EBF1: variants seen among roughly 807,000 people sequenced by gnomAD.
The protein encoded by EBF1 is transcription factor COE1.
Under a neutral mutation model 68.4 loss-of-function variants are expected in EBF1, and 10 were observed. The observed-to-expected ratio is 0.15, with a 90% confidence interval of 0.09 to 0.25. The LOEUF is 0.25. Among genes scored for constraint, EBF1 ranks in the 10% least tolerant of loss-of-function variants. The pLI, the probability that EBF1 is intolerant of heterozygous loss-of-function variation, is 1.00. For synonymous variants in EBF1, 298 were observed against 299.8 expected, an observed-to-expected ratio of 0.99 and a Z score of 0.06; for missense variants, 509 against 794.4, an observed-to-expected ratio of 0.64 and a Z score of 4.32.
At chr5:159,002,835 C>T (rs189140511) in intron 6 of EBF1, among the ~76,000 whole-genome samples, 56 of 152,198 alleles carry the variant, frequency 3.7e-4, no homozygotes, top group African/African-American at 1.3e-3. Flanking sequence ...ATGTGCTAAA[C>T]TAAAATGTAA....
At chr5:158,766,373 G>T (rs1772669776) in intron 10 of EBF1, among the ~76,000 whole-genome samples, 1 of 152,004 alleles carries the variant, frequency 6.6e-6, no homozygotes, top group Admixed American at 6.6e-5. Flanking sequence ...ACAACTGATG[G>T]AAAAAATGAC....
intron 6 of EBF1, among the ~76,000 whole-genome samples, chr5:158,845,068 T>TA (rs1791184380): frequency 6.6e-6 from 1 of 152,152 alleles, no homozygotes; most frequent in Non-Finnish European, 1.5e-5. Flanking sequence ...ATAAAATTTT[T>TA]AAAAAATCAT....
intron 14 of EBF1, among the ~76,000 whole-genome samples, chr5:158,711,109 T>G (rs998766163): frequency 1.3e-5 from 2 of 152,234 alleles, no homozygotes; most frequent in African/African-American, 4.8e-5. Context: ...GTATATGGTT[T>G]TCTTTTCCTT....
intron 6 of EBF1, among the ~76,000 whole-genome samples, chr5:158,842,018 G>C (rs1790431183): frequency 6.6e-6 from 1 of 152,212 alleles, no homozygotes; most frequent in African/African-American, 2.4e-5. Context: ...ATGGCTTACA[G>C]AACACCACTG....
intron 11 of EBF1, among the ~76,000 whole-genome samples, chr5:158,719,617 A>G (rs879086409): frequency 6.6e-6 from 1 of 152,084 alleles, no homozygotes; most frequent in Admixed American, 6.6e-5. Context: ...TAACTGGCCA[A>G]TACTGGGCCC....
intron 6 of EBF1, among the ~76,000 whole-genome samples, chr5:158,842,146 G>A (rs2127972202): frequency 6.6e-6 from 1 of 152,288 alleles, no homozygotes; most frequent in Admixed American, 6.5e-5. Context: ...CTTTCAATAT[G>A]ACAGATTTGG....
chr5:158,882,783 G>A (rs1023620048), intron 6 of EBF1, among the ~76,000 whole-genome samples: 2 of 152,142 alleles, frequency 1.3e-5, no homozygotes, highest in African/African-American at 4.8e-5. Context: ...GATATTCATG[G>A]AGCAATACAT....
intron 5 of EBF1, among the ~76,000 whole-genome samples, chr5:159,081,810 C>T (rs1391230621): frequency 6.6e-6 from 1 of 152,186 alleles, no homozygotes; most frequent in Non-Finnish European, 1.5e-5. Context: ...CAAATCTCTT[C>T]TAGAATCGTG....
At chr5:159,041,283 TG>T (rs1356875374) in intron 6 of EBF1, among the ~76,000 whole-genome samples, 1 of 152,262 alleles carries the variant, frequency 6.6e-6, no homozygotes, top group Non-Finnish European at 1.5e-5. Context: ...TTTAATGTTC[TG>T]TGTCATATAC....
intron 10 of EBF1, among the ~76,000 whole-genome samples, chr5:158,770,103 T>G (rs1354917959): frequency 6.6e-6 from 1 of 152,164 alleles, no homozygotes; most frequent in East Asian, 1.9e-4. Context: ...CAAAATATTT[T>G]CATGGCCATT....
chr5:158,757,029 A>G (rs1283987090), intron 10 of EBF1, among the ~76,000 whole-genome samples: 1 of 151,660 alleles, frequency 6.6e-6, no homozygotes, highest in Non-Finnish European at 1.5e-5. Flanking sequence ...ATACCCCATC[A>G]CCCTTCACAG....
chr5:158,897,015 C>G (rs1376402602), intron 6 of EBF1, among the ~76,000 whole-genome samples: 1 of 134,500 alleles, frequency 7.4e-6, no homozygotes, highest in African/African-American at 2.6e-5. Context: ...GGCATTTTGA[C>G]AGCCAGTTCA....
chr5:158,993,679 T>C (rs1760825315), intron 6 of EBF1, among the ~76,000 whole-genome samples: 1 of 152,104 alleles, frequency 6.6e-6, no homozygotes, highest in South Asian at 2.1e-4. Flanking sequence ...AAGGGATTGC[T>C]CCAAATGTAA....
At position 158,978,833 on chromosome 5, in the gene EBF1, C is replaced by CAGAGAG. The variant is rs60855237; in HGVS notation, c.554+94562_554+94563insCTCTCT. Among the ~76,000 whole-genome samples, 404 of 120,166 alleles carry CAGAGAG rather than the reference C, an allele frequency of 3.4e-3. 6 individuals are homozygous for CAGAGAG. The highest frequency in any genetic ancestry group is 0.023 in the Admixed American group (290 of 12,596). 78.8% of individuals were successfully genotyped at this position (120,166 alleles called of 152,430 possible). A position where few individuals can be genotyped will look rare whatever the true frequency, so the allele number is the denominator to read the frequency against. On this transcript the variant is annotated intron_variant, in intron 6 of 15. Transcript: ENST00000313708. ...ACACACACACACACACACACACACA[C>CAGAGAG]ACAGAGAGAGAGTCCACAGTTCTCT...
At chr5:158,792,065 G>A (rs1778717228) in intron 9 of EBF1, among the ~76,000 whole-genome samples, 1 of 152,130 alleles carries the variant, frequency 6.6e-6, no homozygotes, top group Non-Finnish European at 1.5e-5. Flanking sequence ...ACAACCAAGT[G>A]CGGCTCTGGT....
chr5:159,093,917 C>T (rs1782077833), intron 4 of EBF1, among the ~76,000 whole-genome samples: 1 of 151,194 alleles, frequency 6.6e-6, no homozygotes, highest in Non-Finnish European at 1.5e-5. Flanking sequence ...TGTATGTGTG[C>T]CTTTTATCTT....
intron 9 of EBF1, among the ~76,000 whole-genome samples, chr5:158,794,415 G>C: frequency 6.6e-6 from 1 of 152,118 alleles, no homozygotes; most frequent in East Asian, 1.9e-4. Context: ...CCCAAAACAG[G>C]TCAAGAAAGT....
intron 6 of EBF1, among the ~76,000 whole-genome samples, chr5:158,918,669 C>G (rs1272220109): frequency 6.6e-6 from 1 of 151,460 alleles, no homozygotes; most frequent in Non-Finnish European, 1.5e-5. Context: ...CCACCTCTCA[C>G]CCATCTCTCT....
chr5:158,857,171 AC>A (rs1269164847), intron 6 of EBF1, among the ~76,000 whole-genome samples: 1 of 150,786 alleles, frequency 6.6e-6, no homozygotes, highest in Admixed American at 6.6e-5. Flanking sequence ...TTCCCTCAGC[AC>A]CCCTTCTGCT....
Sources: allele counts gnomAD v4.1 joint callset (sites outside exome capture counted in the v4.1 genomes callset), GRCh38; gene constraint gnomAD v4.1.1; transcripts MANE v1.5; gene names NCBI Gene and HGNC (gene_info 2026-07-23, HGNC 2026-07-21).